Variants in FUT8 observed in about 807,000 individuals in gnomAD.
The protein encoded by FUT8 is alpha-(1,6)-fucosyltransferase.
FUT8 carries 29 observed loss-of-function variants against 71.3 expected under a neutral mutation model. The observed-to-expected ratio is 0.41, with a 90% CI of 0.30 to 0.55. The LOEUF (loss-of-function observed/expected upper bound fraction) is 0.55, where lower values mean the gene tolerates loss of function less well. Among genes scored for constraint, FUT8 ranks in the 20% least tolerant of loss-of-function variants. The pLI is 0.34. For synonymous variants in FUT8, 254 were observed against 239.3 expected, an observed-to-expected ratio of 1.06 and a Z score of -0.57; for missense variants, 544 against 702.1, an observed-to-expected ratio of 0.77 and a Z score of 2.55.
At chr14:65,727,010 C>T (rs368468794) in intron 9 of FUT8, among the ~76,000 whole-genome samples, 33 of 152,214 alleles carry the variant, frequency 2.2e-4, no homozygotes, top group Admixed American at 1.2e-3. Context: ...TTTGACTCCA[C>T]GCCTCACAGC....
chr14:65,398,256 G>T, the FUT8 span, among the ~76,000 whole-genome samples: 1 of 152,164 alleles, frequency 6.6e-6, no homozygotes. Flanking sequence ...GACCTCTGGG[G>T]TTAGGTGAGC....
chr14:65,541,104 T>C (rs1884654220), intron 2 of FUT8, among the ~76,000 whole-genome samples: 1 of 152,214 alleles, frequency 6.6e-6, no homozygotes, highest in South Asian at 2.1e-4. Flanking sequence ...ACTTCAAGTG[T>C]CTTATCTCAA....
At chr14:65,623,035 C>T (rs1018411970) in intron 5 of FUT8, among the ~76,000 whole-genome samples, 10 of 151,104 alleles carry the variant, frequency 6.6e-5, no homozygotes, top group African/African-American at 2.2e-4. Flanking sequence ...GGACTATAGG[C>T]GTGTGTCCCT....
chr14:65,654,259 G>A (rs1454757435), intron 6 of FUT8, among the ~76,000 whole-genome samples: 1 of 152,124 alleles, frequency 6.6e-6, no homozygotes, highest in African/African-American at 2.4e-5. Flanking sequence ...AATAATTGTT[G>A]TATATAGATA....
intron 2 of FUT8, among the ~76,000 whole-genome samples, chr14:65,501,558 C>G (rs1430125436): frequency 6.6e-6 from 1 of 152,212 alleles, no homozygotes; most frequent in Non-Finnish European, 1.5e-5. Flanking sequence ...AAAGCATGTA[C>G]TGCATTCTCC....
intron 2 of FUT8, chr14:65,516,451 T>A (rs1882713464): frequency 6.6e-6 from 1 of 152,118 alleles, no homozygotes; most frequent in South Asian, 2.1e-4. Context: ...CTTTAAGTGT[T>A]TGTGTTATAG....
At chr14:65,562,916 C>T (rs2140048960) in intron 3 of FUT8, among the ~76,000 whole-genome samples, 1 of 152,164 alleles carries the variant, frequency 6.6e-6, no homozygotes, top group East Asian at 1.9e-4. Flanking sequence ...CCATGGTGCT[C>T]TCATTTTCTA....
chr14:65,378,516 C>T, the FUT8 span, among the ~76,000 whole-genome samples: 3 of 151,922 alleles, frequency 2.0e-5, no homozygotes, highest in Admixed American at 6.6e-5. Flanking sequence ...TAGAGGCTCC[C>T]CTAAAAAAAC....
rs1024618145 is a variant in FUT8 at position 65,623,269 on chromosome 14, C to G, written c.483-6223C>G. 2.6e-5 allele frequency among the ~76,000 whole-genome samples: 4 copies of G among 151,722 alleles called. No homozygotes were observed. In the East Asian group the frequency reaches 7.8e-4, roughly 30 times the overall value. On this transcript the variant is annotated intron_variant, in intron 5 of 10. Transcript: ENST00000673929. The stretch of plus-strand genomic sequence containing the variant: ...GTTTGGTTCCTCAGTGGCATAGAGG[C>G]AGACTAGAAGTCTTTTTTTTTTAAT...
At chr14:65,620,927 T>A (rs1889574753) in intron 5 of FUT8, among the ~76,000 whole-genome samples, 1 of 152,232 alleles carries the variant, frequency 6.6e-6, no homozygotes, top group South Asian at 2.1e-4. Context: ...CTTATTCTGC[T>A]CATCACTTAG....
intron 2 of FUT8, among the ~76,000 whole-genome samples, chr14:65,469,029 T>C (rs2066094004): frequency 6.6e-6 from 1 of 152,076 alleles, no homozygotes; most frequent in Non-Finnish European, 1.5e-5. Context: ...AAAAAGGACT[T>C]AGCTGGGCAT....
At chr14:65,533,464 T>G (rs1486190428) in intron 2 of FUT8, among the ~76,000 whole-genome samples, 1 of 152,184 alleles carries the variant, frequency 6.6e-6, no homozygotes, top group South Asian at 2.1e-4. Flanking sequence ...TTGGCTGTTG[T>G]TGCTGTATAG....
chr14:65,597,226 A>G (rs1034443242), intron 3 of FUT8, among the ~76,000 whole-genome samples: 1 of 152,172 alleles, frequency 6.6e-6, no homozygotes, highest in Non-Finnish European at 1.5e-5. Flanking sequence ...TGTAAAAACT[A>G]TAGTTTAAAT....
chr14:65,741,032 C>A (rs1896471977), intron 10 of FUT8, among the ~76,000 whole-genome samples: 1 of 151,922 alleles, frequency 6.6e-6, no homozygotes, highest in Non-Finnish European at 1.5e-5. Flanking sequence ...ACTAAGATTA[C>A]CATAACTGGA....
intron 3 of FUT8, among the ~76,000 whole-genome samples, chr14:65,564,760 A>G (rs1232051420): frequency 6.6e-6 from 1 of 151,974 alleles, no homozygotes; most frequent in Non-Finnish European, 1.5e-5. Flanking sequence ...TGTCATATAA[A>G]TTGAATTACA....
At chr14:65,455,830 G>A in intron 2 of FUT8, 112 bp downstream of exon 2, 1 of 392,946 alleles carries the variant, frequency 2.5e-6, no homozygotes, top group East Asian at 3.6e-5. Flanking sequence ...AAGCAGAAAG[G>A]CCAAGTCAGT....
chr14:65,474,649 T>G (rs2066207569), intron 2 of FUT8, among the ~76,000 whole-genome samples: 1 of 152,036 alleles, frequency 6.6e-6, no homozygotes, highest in Non-Finnish European at 1.5e-5. Flanking sequence ...TCTTCTAGCC[T>G]TATTATTTCT....
chr14:65,533,003 T>G (rs1252528518), intron 2 of FUT8, among the ~76,000 whole-genome samples: 2 of 152,124 alleles, frequency 1.3e-5, no homozygotes, highest in African/African-American at 2.4e-5. Flanking sequence ...TGTGTCTGTG[T>G]TTTTTGTTTT....
chr14:65,504,322 A>G (rs2139784222), intron 2 of FUT8, among the ~76,000 whole-genome samples: 1 of 152,314 alleles, frequency 6.6e-6, no homozygotes, highest in South Asian at 2.1e-4. Flanking sequence ...CTGGAGACTC[A>G]AATGTAGGGA....
Sources: gnomAD v4.1 joint callset for allele counts (sites outside exome capture counted in the v4.1 genomes callset) on GRCh38, gnomAD v4.1.1 for gene constraint, MANE v1.5 for transcripts, NCBI Gene and HGNC (gene_info 2026-07-23, HGNC 2026-07-21) for gene names.